The following AQR variants were observed in gnomAD, a reference collection of about 807,000 sequenced individuals.
AQR encodes RNA helicase aquarius.
Under a neutral mutation model 180.5 loss-of-function variants are expected in AQR, and 61 were observed. That is an observed-to-expected ratio of 0.34 (90% CI 0.28 to 0.42). The LOEUF (loss-of-function observed/expected upper bound fraction) is 0.42. Among genes scored for constraint, AQR ranks in the 10% least tolerant of loss-of-function variants. The probability of loss-of-function intolerance (pLI) is 1.00; values close to 1 mark genes in which losing one functional copy is unlikely to be tolerated. For synonymous variants in AQR, 551 were observed against 588.8 expected, an observed-to-expected ratio of 0.94 and a Z score of 0.93; for missense variants, 1,281 against 1,798.3, an observed-to-expected ratio of 0.71 and a Z score of 5.20.
At chr15:34,968,765 T>C (rs2050326943) in intron 1 of AQR, among the ~76,000 whole-genome samples, 1 of 152,088 alleles carries the variant, frequency 6.6e-6, no homozygotes, top group Non-Finnish European at 1.5e-5. Flanking sequence ...CAAAAGATAT[T>C]TAGAATGTAG....
At chr15:34,915,355 T>G (rs1192581499) in intron 15 of AQR, among the ~76,000 whole-genome samples, 176 bp from the exon 16 acceptor site, 1 of 151,942 alleles carries the variant, frequency 6.6e-6, no homozygotes, top group East Asian at 2.0e-4. Flanking sequence ...CATGCCTGGC[T>G]AATTTTTTGT....
intron 13 of AQR, among the ~76,000 whole-genome samples, chr15:34,925,496 G>A (rs1893747485): frequency 6.6e-6 from 1 of 152,184 alleles, no homozygotes; most frequent in African/African-American, 2.4e-5. Flanking sequence ...GTACGAAAAG[G>A]ATGCTCATTG....
At chr15:34,949,603 C>CATAAA (rs1894185030) in intron 4 of AQR, among the ~76,000 whole-genome samples, 1 of 31,802 alleles carries the variant, frequency 3.1e-5, no homozygotes. Flanking sequence ...GAGACTCCGT[C>CATAAA]ACAAAAAAAA....
chr15:34,870,677 CA>C (rs1355571540), intron 31 of AQR, 74 bp downstream of exon 31: 1 of 1,273,546 alleles, frequency 7.9e-7, no homozygotes, highest in East Asian at 2.5e-5. Context: ...AGCAAAGAGG[CA>C]AAGCAGAACA....
At chr15:34,947,659 G>C (rs560600927) in intron 5 of AQR, among the ~76,000 whole-genome samples, 7 of 151,566 alleles carry the variant, frequency 4.6e-5, no homozygotes, top group Admixed American at 2.6e-4. Context: ...CTTCTTCTTA[G>C]AGACAGGCCT....
intron 14 of AQR, among the ~76,000 whole-genome samples, chr15:34,919,201 T>C (rs1167400423): frequency 6.8e-6 from 1 of 147,812 alleles, no homozygotes; most frequent in East Asian, 2.0e-4. Flanking sequence ...ATTGCACCAT[T>C]GCACTCCAGC....
At chr15:34,928,076 C>A (rs548888192) in intron 12 of AQR, among the ~76,000 whole-genome samples, 6 of 152,212 alleles carry the variant, frequency 3.9e-5, no homozygotes, top group Admixed American at 3.3e-4. Context: ...AGAGACAGGA[C>A]AAAAACACTA....
At chr15:34,955,070 C>A (rs1894288067) in intron 3 of AQR, among the ~76,000 whole-genome samples, 1 of 152,148 alleles carries the variant, frequency 6.6e-6, no homozygotes, top group Non-Finnish European at 1.5e-5. Flanking sequence ...TTGCAGTGGG[C>A]TGAGATTGCG....
chr15:34,859,629 T>C (rs1892640727), intron 34 of AQR, among the ~76,000 whole-genome samples: 1 of 152,180 alleles, frequency 6.6e-6, no homozygotes, highest in East Asian at 1.9e-4. Context: ...CTTCCATTTA[T>C]ATAAAAATCT....
chr15:34,931,510 TA>T (rs1595801381), intron 11 of AQR, among the ~76,000 whole-genome samples: 1 of 152,128 alleles, frequency 6.6e-6, no homozygotes, highest in Non-Finnish European at 1.5e-5. Context: ...AGAAGTTTGT[TA>T]AAAATGATTT....
In AQR at chr15:34,884,792, A is replaced by C. The variant is rs992654672; in HGVS notation, c.2818-58T>G. 14 of 1,303,158 alleles carry C rather than the reference A, an allele frequency of 1.1e-5. No homozygotes were observed. The Admixed American group carries it at 3.0e-4, about 28-fold the overall frequency. 80.7% of individuals were successfully genotyped at this position (1,303,158 alleles called of 1,614,324 possible). The stretch of plus-strand genomic sequence containing the variant: ...GCTAATTATGATGTTTTAAAGCATA[A>C]AATGAATAAATCTTATAAAAACAAG... On this transcript the variant is annotated intron_variant, in intron 25 of 34. Transcript: ENST00000156471.
chr15:34,946,510 GC>G (rs1222868394), intron 5 of AQR, among the ~76,000 whole-genome samples: 2 of 139,002 alleles, frequency 1.4e-5, no homozygotes, highest in East Asian at 2.3e-4. Flanking sequence ...CCGGCCAGCC[GC>G]CCCGTCCGGG....
intron 15 of AQR, 28 bp downstream of exon 15, chr15:34,918,230 C>A (rs1893626436): frequency 8.1e-6 from 13 of 1,605,132 alleles, no homozygotes; most frequent in Non-Finnish European, 1.1e-5. Context: ...TTTCATTGTA[C>A]AGCTGAATCC....
intron 27 of AQR, among the ~76,000 whole-genome samples, chr15:34,880,896 T>C (rs1184351817): frequency 1.3e-5 from 2 of 152,116 alleles, no homozygotes; most frequent in African/African-American, 2.4e-5. Flanking sequence ...GGGGACTGCC[T>C]TTTTTTGTTA....
At chr15:34,874,127 T>G in intron 29 of AQR, 128 bp from the exon 30 acceptor site, 1 of 976,692 alleles carries the variant, frequency 1.0e-6, no homozygotes, top group East Asian at 2.9e-5. Context: ...TGGCTCATCT[T>G]TTAAGCAATA....
chr15:34,867,430 C>G, intron 32 of AQR, 94 bp downstream of exon 32: 2 of 1,119,112 alleles, frequency 1.8e-6, no homozygotes, highest in Non-Finnish European at 2.6e-6. Flanking sequence ...ATAGTTTAAA[C>G]TTAAAAAATA....
chr15:34,876,052 C>T, intron 27 of AQR, 46 bp from the exon 28 acceptor site: 1 of 1,365,500 alleles, frequency 7.3e-7, no homozygotes. Flanking sequence ...AAAAGTCAAA[C>T]AACTACCATC....
chr15:34,875,747 C>T (rs1239745579), intron 28 of AQR, among the ~76,000 whole-genome samples, 188 bp downstream of exon 28: 1 of 152,092 alleles, frequency 6.6e-6, no homozygotes, highest in Admixed American at 6.5e-5. Context: ...CGAAGCAAAA[C>T]AACTACTAAA....
At chr15:34,902,890 C>G (rs1893353727) in intron 19 of AQR, among the ~76,000 whole-genome samples, 1 of 152,070 alleles carries the variant, frequency 6.6e-6, no homozygotes, top group South Asian at 2.1e-4. Context: ...AAACAAAGAC[C>G]CTGCCCTCAT....
Sources: gnomAD v4.1 joint callset for allele counts (sites outside exome capture counted in the v4.1 genomes callset) on GRCh38, gnomAD v4.1.1 for gene constraint, MANE v1.5 for transcripts, NCBI Gene and HGNC (gene_info 2026-07-23, HGNC 2026-07-21) for gene names.